The following SSBP3 variants were observed in gnomAD, a reference collection of about 807,000 sequenced individuals.
The protein encoded by SSBP3 is single-stranded DNA-binding protein 3.
A neutral mutation model predicts 69.6 loss-of-function variants in SSBP3; 5 were observed. The observed-to-expected ratio is 0.07, with a 90% CI of 0.04 to 0.15. The LOEUF (loss-of-function observed/expected upper bound fraction) is 0.15. Among genes scored for constraint, SSBP3 ranks in the 10% least tolerant of loss-of-function variants. The pLI is 1.00. For missense variants in SSBP3, 312 were observed against 534.0 expected (o/e 0.58, Z 4.10); for synonymous variants, 196 against 193.4 (o/e 1.01, Z -0.11).
chr1:54,287,903 C>T (rs1045587861), intron 4 of SSBP3, among the ~76,000 whole-genome samples: 4 of 152,100 alleles, frequency 2.6e-5, no homozygotes, highest in Admixed American at 6.5e-5. Context: ...GCTGTTGCTA[C>T]GTGAAGAGGC....
intron 5 of SSBP3, among the ~76,000 whole-genome samples, chr1:54,274,358 T>G (rs1481020774): frequency 6.6e-6 from 1 of 151,980 alleles, no homozygotes; most frequent in African/African-American, 2.4e-5. Flanking sequence ...GGGAACAGCT[T>G]TTCTGACTTG....
At chr1:54,398,231 G>A (rs910901790) in intron 4 of SSBP3, among the ~76,000 whole-genome samples, 11 of 152,118 alleles carry the variant, frequency 7.2e-5, no homozygotes, top group Admixed American at 3.9e-4. Flanking sequence ...AAACCCAACC[G>A]ACGAGGCAGC....
chr1:54,240,475 G>C (rs1212673710), intron 13 of SSBP3, among the ~76,000 whole-genome samples: 2 of 99,024 alleles, frequency 2.0e-5, no homozygotes, highest in Non-Finnish European at 4.3e-5. Flanking sequence ...AAAAAAAAGG[G>C]GGGGGGGGCG....
intron 4 of SSBP3, among the ~76,000 whole-genome samples, chr1:54,378,974 A>AC (rs895350479): frequency 6.6e-6 from 1 of 151,598 alleles, no homozygotes; most frequent in Non-Finnish European, 1.5e-5. Flanking sequence ...CACCCTCCCC[A>AC]CCCAGGCCAG....
chr1:54,243,143 A>C, intron 10 of SSBP3, 92 bp downstream of exon 10: 1 of 1,133,868 alleles, frequency 8.8e-7, no homozygotes, highest in South Asian at 1.2e-5. Context: ...AGGTACCAGC[A>C]ATGACCCCTT....
chr1:54,285,035 T>C (rs1645463150), intron 4 of SSBP3, among the ~76,000 whole-genome samples: 1 of 152,156 alleles, frequency 6.6e-6, no homozygotes, highest in Non-Finnish European at 1.5e-5. Flanking sequence ...ACCAAGACCA[T>C]GTTAGCATTG....
rs142682869 is a variant in SSBP3 at position 54,358,105 on chromosome 1, G to A, written c.276+43756C>T. Among the ~76,000 whole-genome samples, 3 of 152,328 alleles carry A rather than the reference G, an allele frequency of 2.0e-5. No homozygotes were observed. The East Asian group carries it at 5.8e-4, about 29-fold the overall frequency. Reference sequence around the variant, plus strand: ...AGAACATTTTCGAGCTAAAAAGGAAGGAGCTTTTTCCATTTTAACCCACCA... The same window carrying A: ...AGAACATTTTCGAGCTAAAAAGGAAAGAGCTTTTTCCATTTTAACCCACCA... On this transcript the variant is annotated intron_variant, in intron 4 of 17. Coordinates refer to ENST00000610401, the Ensembl canonical transcript of SSBP3.
chr1:54,324,360 C>T (rs1646265010), intron 4 of SSBP3, among the ~76,000 whole-genome samples: 1 of 152,204 alleles, frequency 6.6e-6, no homozygotes, highest in Non-Finnish European at 1.5e-5. Flanking sequence ...GCATGAGGCT[C>T]GGCTTCTGTG....
intron 4 of SSBP3, among the ~76,000 whole-genome samples, chr1:54,331,178 G>A (rs921113974): frequency 2.0e-5 from 3 of 152,134 alleles, no homozygotes; most frequent in African/African-American, 7.2e-5. Flanking sequence ...AAGAAGCACA[G>A]GTATATGCCT....
intron 5 of SSBP3, among the ~76,000 whole-genome samples, chr1:54,265,305 G>A (rs1483315252): frequency 6.6e-6 from 1 of 152,158 alleles, no homozygotes; most frequent in Non-Finnish European, 1.5e-5. Context: ...TTGTGTGAAG[G>A]GTGTGGGTGT....
intron 4 of SSBP3, 70 bp from the exon 5 acceptor site, chr1:54,281,597 G>A: frequency 1.4e-6 from 2 of 1,403,200 alleles, no homozygotes; most frequent in Non-Finnish European, 2.0e-6. Context: ...CTGACCCCTG[G>A]ACTTGGCTCT....
chr1:54,380,208 C>A (rs142012238), intron 4 of SSBP3, among the ~76,000 whole-genome samples: 1 of 152,172 alleles, frequency 6.6e-6, no homozygotes, highest in Non-Finnish European at 1.5e-5. Flanking sequence ...GAGCAGCGGA[C>A]GCCACTGTTC....
At chr1:54,231,309 CAT>C (rs1228081576) in intron 14 of SSBP3, among the ~76,000 whole-genome samples, 1 of 152,240 alleles carries the variant, frequency 6.6e-6, no homozygotes, top group African/African-American at 2.4e-5. Flanking sequence ...AGCATCTTCT[CAT>C]GTGCTTACTG....
At chr1:54,345,327 C>T (rs544792992) in intron 4 of SSBP3, among the ~76,000 whole-genome samples, 1 of 152,288 alleles carries the variant, frequency 6.6e-6, no homozygotes, top group African/African-American at 2.4e-5. Context: ...TAAAACAGTT[C>T]CCAGCTACCA....
At chr1:54,265,188 T>TG (rs1277841130) in intron 5 of SSBP3, among the ~76,000 whole-genome samples, 1 of 151,988 alleles carries the variant, frequency 6.6e-6, no homozygotes, top group Non-Finnish European at 1.5e-5. Context: ...GCTGACCAGA[T>TG]GGGGGGAGGA....
exon 17 of SSBP3, chr1:54,228,276 G>C (rs777431651): frequency 6.2e-7 from 1 of 1,614,036 alleles, no homozygotes. Flanking sequence ...GAAAGGAGTG[G>C]AGGAAGTTCC....
chr1:54,268,341 T>C (rs1283544181), intron 5 of SSBP3, among the ~76,000 whole-genome samples: 1 of 152,254 alleles, frequency 6.6e-6, no homozygotes, highest in East Asian at 1.9e-4. Context: ...GGCTCCACTG[T>C]TAATCATGAC....
intron 5 of SSBP3, among the ~76,000 whole-genome samples, chr1:54,260,224 G>A (rs1288381378): frequency 6.6e-6 from 1 of 152,210 alleles, no homozygotes; most frequent in African/African-American, 2.4e-5. Flanking sequence ...GAGGAGGAAG[G>A]TTCAAGGGTA....
intron 4 of SSBP3, among the ~76,000 whole-genome samples, chr1:54,337,991 A>T (rs1422023824): frequency 1.3e-5 from 2 of 152,202 alleles, no homozygotes; most frequent in Non-Finnish European, 1.5e-5. Context: ...TTGAAAAATA[A>T]TGAGAATAAA....
Sources: allele counts gnomAD v4.1 joint callset (sites outside exome capture counted in the v4.1 genomes callset), GRCh38; gene constraint gnomAD v4.1.1; transcripts MANE v1.5; gene names NCBI Gene and HGNC (gene_info 2026-07-23, HGNC 2026-07-21).